The following SLC2A9 variants were observed in gnomAD, a reference collection of about 807,000 sequenced individuals.
The protein encoded by SLC2A9 is solute carrier family 2 member 9.
A neutral mutation model predicts 50.6 loss-of-function variants in SLC2A9; 39 were observed. That is an observed-to-expected ratio of 0.77 (90% CI 0.60 to 1.01). The LOEUF (loss-of-function observed/expected upper bound fraction) is 1.01, where lower values mean the gene tolerates loss of function less well. Ranked by LOEUF, SLC2A9 falls within the 50% of genes least tolerant of loss-of-function variation. SLC2A9 has a pLI of 0.00. For missense variants in SLC2A9, 686 were observed against 677.6 expected (o/e 1.01, Z -0.14); for synonymous variants, 324 against 276.9 (o/e 1.17, Z -1.69).
At chr4:9,980,451 C>T in intron 5 of SLC2A9, 141 bp downstream of exon 5, 1 of 1,124,436 alleles carries the variant, frequency 8.9e-7, no homozygotes, top group Non-Finnish European at 1.3e-6. Flanking sequence ...AGGAACTCCA[C>T]AACTTTTCTC....
intron 10 of SLC2A9, among the ~76,000 whole-genome samples, chr4:9,848,324 C>G (rs1729300493): frequency 6.7e-6 from 1 of 150,326 alleles, no homozygotes; most frequent in Non-Finnish European, 1.5e-5. Context: ...ACTACACAAG[C>G]CTGTGGTCTC....
At chr4:9,782,224 C>A (rs1290809760) in intron 3 of SLC2A9, 10 of 1,612,644 alleles carry the variant, frequency 6.2e-6, no homozygotes, top group South Asian at 1.1e-5. Context: ...GCGCAGCCAT[C>A]GTGCGGAGCC....
At chr4:9,901,518 G>T (rs1295805196) in intron 8 of SLC2A9, among the ~76,000 whole-genome samples, 7 of 152,184 alleles carry the variant, frequency 4.6e-5, no homozygotes, top group Non-Finnish European at 7.3e-5. Context: ...AGCAGTCAGA[G>T]GGATTTAAAG....
intron 10 of SLC2A9, among the ~76,000 whole-genome samples, chr4:9,870,016 A>T (rs1028201171): frequency 3.9e-5 from 6 of 152,238 alleles, no homozygotes; most frequent in African/African-American, 1.4e-4. Context: ...GGATGCACAC[A>T]TAGGGGAAGG....
chr4:9,836,315 AT>A (rs58206068), intron 10 of SLC2A9, among the ~76,000 whole-genome samples: 33,263 of 151,206 alleles, frequency 0.22, 3,714 homozygotes, highest in Admixed American at 0.28. Flanking sequence ...AAAAATAAAA[AT>A]AAAAAAGGGG....
At chr4:9,961,925 C>T (rs908673556) in intron 5 of SLC2A9, among the ~76,000 whole-genome samples, 1 of 152,110 alleles carries the variant, frequency 6.6e-6, no homozygotes, top group Non-Finnish European at 1.5e-5. Flanking sequence ...AGACACTTCT[C>T]GAAAGAAGAC....
chr4:9,959,596 G>A (rs947281426), intron 5 of SLC2A9, among the ~76,000 whole-genome samples: 1 of 152,090 alleles, frequency 6.6e-6, no homozygotes, highest in African/African-American at 2.4e-5. Context: ...TGAGGGGGTG[G>A]GACGATGGAC....
intron 10 of SLC2A9, among the ~76,000 whole-genome samples, chr4:9,884,811 C>T (rs1225122953): frequency 1.3e-5 from 2 of 152,254 alleles, no homozygotes; most frequent in Admixed American, 6.5e-5. Flanking sequence ...AAATGTGGTA[C>T]ATATGTACCA....
intron 11 of SLC2A9, among the ~76,000 whole-genome samples, chr4:9,829,998 C>T (rs962577787): frequency 2.6e-5 from 4 of 152,186 alleles, no homozygotes; most frequent in African/African-American, 9.7e-5. Flanking sequence ...TTTGTCTCAG[C>T]AATCCCATTA....
At chr4:10,036,509 T>C (rs1764109049) in intron 1 of SLC2A9, among the ~76,000 whole-genome samples, 1 of 152,230 alleles carries the variant, frequency 6.6e-6, no homozygotes, top group South Asian at 2.1e-4. Flanking sequence ...CAATTCCATG[T>C]GGTGGTTTCA....
intron 10 of SLC2A9, among the ~76,000 whole-genome samples, chr4:9,876,574 G>A (rs1242404382): frequency 6.6e-6 from 1 of 152,152 alleles, no homozygotes; most frequent in East Asian, 1.9e-4. Context: ...CTGGGTGACA[G>A]AGCGAGACCC....
At chr4:9,805,471 G>A (rs1368106596) in intron 3 of SLC2A9, among the ~76,000 whole-genome samples, 1 of 152,122 alleles carries the variant, frequency 6.6e-6, no homozygotes, top group Non-Finnish European at 1.5e-5. Context: ...GGCTGAGGCG[G>A]GTGGATCACC....
chr4:9,782,927 G>A (rs1718682737), intron 3 of SLC2A9: 9 of 1,613,956 alleles, frequency 5.6e-6, no homozygotes, highest in Non-Finnish European at 7.6e-6. Context: ...GACCCTGTCG[G>A]TGATCATGGG....
intron 10 of SLC2A9, among the ~76,000 whole-genome samples, chr4:9,867,186 GCAAAAGTA>G (rs1732630343): frequency 6.6e-6 from 1 of 152,328 alleles, no homozygotes; most frequent in East Asian, 1.9e-4. Context: ...CATCTCATTT[GCAAAAGTA>G]CAAATTGAAA....
chr4:9,931,962 C>CTCTATATATA (rs1560329576), intron 6 of SLC2A9, among the ~76,000 whole-genome samples: 2 of 14,578 alleles, frequency 1.4e-4, no homozygotes, highest in Non-Finnish European at 2.2e-4. Flanking sequence ...CTCTCTCTCT[C>CTCTATATATA]TATATATATA....
intron 7 of SLC2A9, among the ~76,000 whole-genome samples, chr4:9,911,982 C>T (rs1263101265): frequency 6.6e-6 from 1 of 152,172 alleles, no homozygotes; most frequent in African/African-American, 2.4e-5. Context: ...GAGTTCATGT[C>T]CTTTGTAGGG....
intron 3 of SLC2A9, among the ~76,000 whole-genome samples, chr4:9,820,680 A>C (rs1724276528): frequency 6.6e-6 from 1 of 152,216 alleles, no homozygotes; most frequent in African/African-American, 2.4e-5. Context: ...TATTTAACCA[A>C]GTATTTCTTG....
intron 3 of SLC2A9, among the ~76,000 whole-genome samples, chr4:9,817,143 C>A (rs908820285): frequency 3.9e-5 from 6 of 152,176 alleles, no homozygotes; most frequent in African/African-American, 1.4e-4. Context: ...TTTATAAGGA[C>A]CTTTGTGTCC....
chr4:9,772,801 G>T (rs1351404768), intron 1 of SLC2A9, among the ~76,000 whole-genome samples: 2 of 147,316 alleles, frequency 1.4e-5, no homozygotes, highest in Non-Finnish European at 3.0e-5. Context: ...TAAGCATTAG[G>T]GATGCCATTT....
Sources: gnomAD v4.1 joint callset for allele counts (sites outside exome capture counted in the v4.1 genomes callset) on GRCh38, gnomAD v4.1.1 for gene constraint, MANE v1.5 for transcripts, NCBI Gene and HGNC (gene_info 2026-07-23, HGNC 2026-07-21) for gene names.